Variants in THSD7B observed in about 807,000 individuals in gnomAD.
THSD7B encodes thrombospondin type 1 domain containing 7B, also known as thrombospondin type-1 domain-containing protein 7B.
In THSD7B, 138 loss-of-function variants were observed where a neutral mutation model predicts 213.6. The observed-to-expected ratio is 0.65, with a 90% CI of 0.56 to 0.74. The LOEUF is 0.74. Among genes scored for constraint, THSD7B ranks in the 30% least tolerant of loss-of-function variants. The pLI, the probability that THSD7B is intolerant of heterozygous loss-of-function variation, is 0.00. For synonymous variants in THSD7B, 742 were observed against 687.0 expected (o/e 1.08, Z -1.25); for missense variants, 1,931 against 1,991.5 (o/e 0.97, Z 0.58).
intron 14 of THSD7B, among the ~76,000 whole-genome samples, chr2:137,412,974 G>A (rs1193876555): frequency 1.3e-5 from 2 of 151,294 alleles, no homozygotes; most frequent in African/African-American, 2.4e-5. Flanking sequence ...AGTCATCAAG[G>A]TTTTGTGTAC....
chr2:136,970,696 G>A (rs1432365547), intron 2 of THSD7B, among the ~76,000 whole-genome samples: 1 of 151,998 alleles, frequency 6.6e-6, no homozygotes, highest in African/African-American at 2.4e-5. Context: ...ATCCTGCCAA[G>A]GTCCAGTTTA....
chr2:137,438,695 A>G (rs1236952633), intron 14 of THSD7B, among the ~76,000 whole-genome samples: 1 of 152,056 alleles, frequency 6.6e-6, no homozygotes, highest in Non-Finnish European at 1.5e-5. Context: ...CTTGGTGTGT[A>G]TCTAAGGCTG....
chr2:136,967,947 C>T (rs957327006), intron 2 of THSD7B, among the ~76,000 whole-genome samples: 6 of 152,124 alleles, frequency 3.9e-5, no homozygotes, highest in African/African-American at 9.7e-5. Flanking sequence ...AGTATCACGT[C>T]GCTGTATGTT....
rs544945827 is a variant in THSD7B, at chr2:137,240,299, G to A, written c.2151-2158G>A. Among the ~76,000 whole-genome samples, 4 of 152,286 alleles carry A rather than the reference G, an allele frequency of 2.6e-5. No individual in the cohort carries two copies. In the South Asian group the frequency reaches 8.3e-4, roughly 32 times the overall value. ...CCCAAAACAAAATTTATTCGTCTCTGTTTTGCCTATGCATTGTTTCTAAAA... is the reference window on the plus strand; with the variant it reads ...CCCAAAACAAAATTTATTCGTCTCTATTTTGCCTATGCATTGTTTCTAAAA... On this transcript the variant is annotated intron_variant, in intron 9 of 27. Transcript: ENST00000409968.
chr2:136,914,635 A>T (rs1484678175), intron 2 of THSD7B, among the ~76,000 whole-genome samples: 1 of 152,158 alleles, frequency 6.6e-6, no homozygotes, highest in Non-Finnish European at 1.5e-5. Flanking sequence ...TGATGGGTTT[A>T]TCAGGGGTTT....
chr2:136,991,510 A>AG (rs1371432498), intron 2 of THSD7B, among the ~76,000 whole-genome samples: 1 of 151,758 alleles, frequency 6.6e-6, no homozygotes, highest in African/African-American at 2.4e-5. Context: ...TGCAGTGGAG[A>AG]GGGGGACATC....
At chr2:137,283,897 G>C (rs1558742182) in intron 12 of THSD7B, among the ~76,000 whole-genome samples, 1 of 152,082 alleles carries the variant, frequency 6.6e-6, no homozygotes, top group Non-Finnish European at 1.5e-5. Context: ...TTGGTATCAG[G>C]ATGATGCTGG....
At chr2:137,354,187 C>T (rs1340668105) in intron 12 of THSD7B, among the ~76,000 whole-genome samples, 1 of 151,944 alleles carries the variant, frequency 6.6e-6, no homozygotes, top group Non-Finnish European at 1.5e-5. Flanking sequence ...AACTTATTAG[C>T]TTCTTAAGGG....
chr2:136,808,094 C>A (rs767341962), intron 1 of THSD7B, among the ~76,000 whole-genome samples: 1 of 152,356 alleles, frequency 6.6e-6, no homozygotes, highest in African/African-American at 2.4e-5. Context: ...TTGCTGCCAT[C>A]TCCCACTCCA....
chr2:137,502,552 T>G (rs1413243066), intron 15 of THSD7B, among the ~76,000 whole-genome samples: 3 of 152,186 alleles, frequency 2.0e-5, no homozygotes, highest in Non-Finnish European at 2.9e-5. Flanking sequence ...CCTAAGTAAA[T>G]GCTTCAGAAT....
At chr2:137,654,202 C>T (rs1051857260) in intron 21 of THSD7B, among the ~76,000 whole-genome samples, 5 of 152,092 alleles carry the variant, frequency 3.3e-5, no homozygotes, top group African/African-American at 4.8e-5. Flanking sequence ...TAGTGTGCTG[C>T]CTATCATGAA....
At chr2:137,159,420 C>A (rs933948902) in intron 5 of THSD7B, among the ~76,000 whole-genome samples, 5 of 150,580 alleles carry the variant, frequency 3.3e-5, no homozygotes, top group Admixed American at 2.6e-4. Context: ...AGGGTGAAAC[C>A]CTGTCTCAAA....
chr2:137,107,083 C>G (rs1435563253), intron 4 of THSD7B, among the ~76,000 whole-genome samples: 1 of 152,184 alleles, frequency 6.6e-6, no homozygotes, highest in African/African-American at 2.4e-5. Flanking sequence ...TATAAAGGCA[C>G]AGGCACACAT....
chr2:137,638,695 T>C (rs1371399857), intron 20 of THSD7B, among the ~76,000 whole-genome samples: 1 of 152,124 alleles, frequency 6.6e-6, no homozygotes, highest in Non-Finnish European at 1.5e-5. Context: ...AAAATGCTGA[T>C]AGTGATATGA....
chr2:137,150,166 C>T (rs767590783), intron 5 of THSD7B, among the ~76,000 whole-genome samples: 9 of 151,228 alleles, frequency 6.0e-5, no homozygotes, highest in East Asian at 1.9e-4. Flanking sequence ...CATTTGAACC[C>T]GGGAGGCAGA....
At chr2:137,631,659 G>C (rs1682743935) in intron 20 of THSD7B, among the ~76,000 whole-genome samples, 1 of 152,118 alleles carries the variant, frequency 6.6e-6, no homozygotes, top group Non-Finnish European at 1.5e-5. Flanking sequence ...TCAATGCATG[G>C]TATTCTTGAT....
chr2:137,452,269 TAAA>T (rs1687667027), intron 15 of THSD7B, among the ~76,000 whole-genome samples: 1 of 151,818 alleles, frequency 6.6e-6, no homozygotes, highest in African/African-American at 2.4e-5. Flanking sequence ...TTAGGGAAAA[TAAA>T]GCAGAAGATT....
chr2:136,812,335 T>C (rs1056140212), intron 1 of THSD7B, among the ~76,000 whole-genome samples: 2 of 152,194 alleles, frequency 1.3e-5, no homozygotes, highest in African/African-American at 4.8e-5. Context: ...CTGAATTATC[T>C]AGAAAGAATA....
intron 5 of THSD7B, among the ~76,000 whole-genome samples, chr2:137,149,583 G>A (rs1679773621): frequency 6.6e-6 from 1 of 152,216 alleles, no homozygotes; most frequent in African/African-American, 2.4e-5. Context: ...AGTCACAGGG[G>A]TGGAGCTGCC....
Sources: gnomAD v4.1 joint callset for allele counts (sites outside exome capture counted in the v4.1 genomes callset) on GRCh38, gnomAD v4.1.1 for gene constraint, MANE v1.5 for transcripts, NCBI Gene and HGNC (gene_info 2026-07-23, HGNC 2026-07-21) for gene names.